RPA1: variants seen among roughly 807,000 people sequenced by gnomAD.
RPA1 encodes replication protein A 70 kDa DNA-binding subunit.
A neutral mutation model predicts 83.0 loss-of-function variants in RPA1; 49 were observed. That is an observed-to-expected ratio of 0.59 (90% CI 0.47 to 0.75). The LOEUF (loss-of-function observed/expected upper bound fraction) is 0.75, where lower values mean the gene tolerates loss of function less well. RPA1 is among the 30% of genes least tolerant of loss of function. RPA1 has a pLI of 0.00. For missense variants in RPA1, 693 were observed against 776.1 expected (o/e 0.89, Z 1.27); for synonymous variants, 279 against 281.8 (o/e 0.99, Z 0.10).
At chr17:1,860,915 TA>T (rs1912933036) in intron 5 of RPA1, among the ~76,000 whole-genome samples, 1 of 152,188 alleles carries the variant, frequency 6.6e-6, no homozygotes, top group Admixed American at 6.6e-5. Flanking sequence ...TAAGATTTAT[TA>T]GAGAATCAGA....
intron 12 of RPA1, among the ~76,000 whole-genome samples, chr17:1,881,221 T>G (rs1040483376): frequency 3.9e-5 from 6 of 152,168 alleles, no homozygotes; most frequent in Non-Finnish European, 8.8e-5. Flanking sequence ...GTATCTAGCT[T>G]TTTAGGACAT....
chr17:1,869,139 C>T (rs1913288097), intron 5 of RPA1, among the ~76,000 whole-genome samples: 2 of 152,192 alleles, frequency 1.3e-5, no homozygotes, highest in African/African-American at 4.8e-5. Flanking sequence ...TCTCCATTGT[C>T]TGTTTAGCGA....
At chr17:1,889,316 T>G (rs796869013) in intron 14 of RPA1, among the ~76,000 whole-genome samples, 5 of 144,032 alleles carry the variant, frequency 3.5e-5, no homozygotes, top group African/African-American at 1.3e-4. Flanking sequence ...AAAAAAGTTG[T>G]AAAGTTGGGT....
intron 5 of RPA1, among the ~76,000 whole-genome samples, chr17:1,868,326 G>T (rs1398037280): frequency 6.6e-6 from 1 of 152,182 alleles, no homozygotes; most frequent in Admixed American, 6.5e-5. Context: ...TTTCTCCTCT[G>T]TTGGGAAAGG....
intron 8 of RPA1, 58 bp from the exon 9 acceptor site, chr17:1,878,935 G>A: frequency 6.4e-7 from 1 of 1,557,848 alleles, no homozygotes; most frequent in East Asian, 2.2e-5. Flanking sequence ...TGTCACTTGG[G>A]TGCTGGGGTG....
intron 1 of RPA1, 153 bp downstream of exon 1, chr17:1,830,279 C>G (rs1911489763): frequency 6.3e-6 from 3 of 474,056 alleles, no homozygotes; most frequent in South Asian, 1.1e-4. Flanking sequence ...GGGCGTCCCT[C>G]TAGTGTCATC....
chr17:1,840,031 G>A (rs557084323), intron 1 of RPA1, among the ~76,000 whole-genome samples: 5 of 151,812 alleles, frequency 3.3e-5, no homozygotes, highest in African/African-American at 9.7e-5. Context: ...GACCTCAAGC[G>A]ATCCTCCTGT....
At chr17:1,889,370 C>G (rs1914122956) in intron 14 of RPA1, among the ~76,000 whole-genome samples, 1 of 149,588 alleles carries the variant, frequency 6.7e-6, no homozygotes, top group African/African-American at 2.5e-5. Flanking sequence ...GGGTCTCACT[C>G]TGTTGCCCAG....
At chr17:1,887,215 ATATGG>A (rs889255496) in intron 13 of RPA1, among the ~76,000 whole-genome samples, 1 of 152,138 alleles carries the variant, frequency 6.6e-6, no homozygotes, top group Admixed American at 6.5e-5. Flanking sequence ...TCCCCATCTT[ATATGG>A]GTGTAGTTGG....
intron 14 of RPA1, among the ~76,000 whole-genome samples, chr17:1,891,044 T>G (rs1914184374): frequency 6.6e-6 from 1 of 152,154 alleles, no homozygotes; most frequent in Non-Finnish European, 1.5e-5. Flanking sequence ...GTCATAACAT[T>G]CTCTCTATTA....
chr17:1,897,558 C>T lies in RPA1; in HGVS notation c.*383C>T, dbSNP rs575033951. 1.2e-5 allele frequency: 2 copies of T among 164,890 alleles called. No individual in the cohort carries two copies. Among genetic ancestry groups the T allele is most frequent in the South Asian group, 1.5e-4 (1 of 6,552 alleles). 10.2% of individuals were successfully genotyped at this position (164,890 alleles called of 1,614,324 possible). ...GCTTCTCCAGTGGTGACCACCCCCC[C>T]CCATCCCCGCTCACAACTTGGGTTC... On this transcript the variant is annotated 3_prime_UTR_variant, in exon 17 of 17. Coordinates refer to ENST00000254719, the MANE Select transcript of RPA1 (RefSeq NM_002945.5).
chr17:1,878,876 G>A (rs771250761), intron 8 of RPA1, 117 bp from the exon 9 acceptor site: 39 of 947,962 alleles, frequency 4.1e-5, no homozygotes, highest in Non-Finnish European at 5.9e-5. Context: ...AAGGGCCACT[G>A]CTCTCAAGAT....
chr17:1,844,986 G>T (rs17291832), intron 4 of RPA1, among the ~76,000 whole-genome samples: 2,195 of 152,160 alleles, frequency 0.014, 85 homozygotes, highest in Admixed American at 0.08. Flanking sequence ...ACGGGGTTTT[G>T]CCATGTTGCC....
intron 1 of RPA1, among the ~76,000 whole-genome samples, chr17:1,838,635 A>G (rs2151268130): frequency 6.6e-6 from 1 of 151,302 alleles, no homozygotes; most frequent in Middle Eastern, 3.5e-3. Context: ...ATCTTTGCCT[A>G]CCCGACCCAA....
At chr17:1,852,913 G>GT (rs1184033934) in intron 4 of RPA1, among the ~76,000 whole-genome samples, 188 bp from the exon 5 acceptor site, 1 of 152,188 alleles carries the variant, frequency 6.6e-6, no homozygotes, top group Non-Finnish European at 1.5e-5. Flanking sequence ...TAAGGAACTA[G>GT]TTGGGAACTG....
At chr17:1,879,842 G>C in intron 11 of RPA1, 143 bp downstream of exon 11, 1 of 1,049,284 alleles carries the variant, frequency 9.5e-7, no homozygotes, top group Non-Finnish European at 1.4e-6. Flanking sequence ...TATAGGATGG[G>C]GCCTTCAGCA....
chr17:1,877,342 G>A (rs776513896), intron 8 of RPA1, 28 bp downstream of exon 8: 40 of 1,597,292 alleles, frequency 2.5e-5, no homozygotes, highest in Admixed American at 3.4e-5. Flanking sequence ...TGGGGAGTGA[G>A]GGCAGTGGGC....
chr17:1,852,453 C>T (rs558127456), intron 4 of RPA1, among the ~76,000 whole-genome samples: 30 of 152,258 alleles, frequency 2.0e-4, no homozygotes, highest in Admixed American at 8.5e-4. Context: ...CACAACACCG[C>T]AATCTCAGAG....
intron 5 of RPA1, among the ~76,000 whole-genome samples, chr17:1,870,562 C>A (rs1251491988): frequency 1.3e-5 from 2 of 152,192 alleles, no homozygotes; most frequent in Non-Finnish European, 2.9e-5. Flanking sequence ...TCATCACCAT[C>A]CATCTTCAGA....
Sources: gnomAD v4.1 joint callset for allele counts (sites outside exome capture counted in the v4.1 genomes callset) on GRCh38, gnomAD v4.1.1 for gene constraint, MANE v1.5 for transcripts, NCBI Gene and HGNC (gene_info 2026-07-23, HGNC 2026-07-21) for gene names.